Variants in AGBL1 observed in about 807,000 individuals in gnomAD.
The protein encoded by AGBL1 is AGBL carboxypeptidase 1, also known as cytosolic carboxypeptidase 4.
In AGBL1, 130 loss-of-function variants were observed where a neutral mutation model predicts 118.9. The observed-to-expected ratio is 1.09, with a 90% CI of 0.95 to 1.26. The LOEUF is 1.26. AGBL1 is among the 50% of genes most tolerant of loss of function. The pLI is 0.00. For synonymous variants in AGBL1, 555 were observed against 478.9 expected, an observed-to-expected ratio of 1.16 and a Z score of -2.08; for missense variants, 1,584 against 1,298.1, an observed-to-expected ratio of 1.22 and a Z score of -3.38.
At chr15:86,579,004 A>C (rs1447941454) in intron 21 of AGBL1, among the ~76,000 whole-genome samples, 1 of 152,162 alleles carries the variant, frequency 6.6e-6, no homozygotes, top group African/African-American at 2.4e-5. Flanking sequence ...TAATCCTTTC[A>C]TCTTGCTTGC....
chr15:86,552,085 C>G (rs1461735563), intron 20 of AGBL1, among the ~76,000 whole-genome samples: 1 of 151,950 alleles, frequency 6.6e-6, no homozygotes, highest in South Asian at 2.1e-4. Context: ...TTTTTCAAAC[C>G]CATAAGATGT....
chr15:86,125,439 C>G (rs543646236), intron 1 of AGBL1, among the ~76,000 whole-genome samples: 27 of 152,306 alleles, frequency 1.8e-4, no homozygotes, highest in African/African-American at 5.5e-4. Flanking sequence ...ATTTCTGTGT[C>G]CTTTTTGGCT....
At chr15:86,986,470 C>T (rs556325747) in intron 23 of AGBL1, among the ~76,000 whole-genome samples, 3 of 152,040 alleles carry the variant, frequency 2.0e-5, no homozygotes, top group African/African-American at 7.2e-5. Context: ...CTTTTTCAAA[C>T]TTGTAGTCAT....
chr15:86,981,062 T>C (rs769394932), intron 23 of AGBL1, among the ~76,000 whole-genome samples: 7 of 151,996 alleles, frequency 4.6e-5, no homozygotes, highest in Non-Finnish European at 1.0e-4. Flanking sequence ...AACTTTTGTA[T>C]TTTCAGTAGA....
chr15:86,844,221 G>A (rs1015643221), intron 22 of AGBL1, among the ~76,000 whole-genome samples: 22 of 152,154 alleles, frequency 1.4e-4, no homozygotes, highest in African/African-American at 5.3e-4. Context: ...GTGTGGACAT[G>A]TTTCAGTTTT....
chr15:86,170,984 C>T (rs950652598), intron 5 of AGBL1, among the ~76,000 whole-genome samples: 3 of 151,554 alleles, frequency 2.0e-5, no homozygotes, highest in Non-Finnish European at 4.4e-5. Context: ...TTGTTGGAAA[C>T]AATGCAAGTG....
At chr15:86,366,429 A>G (rs980765653) in intron 17 of AGBL1, among the ~76,000 whole-genome samples, 1 of 152,114 alleles carries the variant, frequency 6.6e-6, no homozygotes, top group Admixed American at 6.5e-5. Context: ...TTTAATCCTC[A>G]TTTTATGGTT....
intron 1 of AGBL1, among the ~76,000 whole-genome samples, chr15:86,137,938 C>T (rs1209163771): frequency 6.6e-6 from 1 of 151,932 alleles, no homozygotes; most frequent in Non-Finnish European, 1.5e-5. Context: ...TACCATATGC[C>T]CAGTTCTATA....
At chr15:86,776,577 G>C (rs889668787) in intron 22 of AGBL1, among the ~76,000 whole-genome samples, 56 of 150,922 alleles carry the variant, frequency 3.7e-4, no homozygotes, top group African/African-American at 1.3e-3. Flanking sequence ...TTTGTTCCAG[G>C]GATTGTAATA....
intron 22 of AGBL1, among the ~76,000 whole-genome samples, chr15:86,781,304 G>T (rs1473711951): frequency 6.6e-6 from 1 of 151,992 alleles, no homozygotes; most frequent in Non-Finnish European, 1.5e-5. Context: ...CTTCCGTAGG[G>T]TTAATCAATT....
chr15:86,193,205 G>A (rs78239293), intron 5 of AGBL1, among the ~76,000 whole-genome samples: 4,081 of 152,076 alleles, frequency 0.027, 75 homozygotes, highest in East Asian at 0.073. Flanking sequence ...CTGAGAGGAG[G>A]GTGAATTTGC....
At chr15:86,794,579 G>C (rs76488012) in intron 22 of AGBL1, among the ~76,000 whole-genome samples, 9,983 of 152,118 alleles carry the variant, frequency 0.066, 490 homozygotes, top group East Asian at 0.19. Flanking sequence ...ATTGTACACA[G>C]TACTTTACAA....
intron 22 of AGBL1, among the ~76,000 whole-genome samples, chr15:86,681,918 G>A (rs1216650863): frequency 6.6e-6 from 1 of 152,166 alleles, no homozygotes; most frequent in African/African-American, 2.4e-5. Flanking sequence ...TTTGGGATTG[G>A]AGACAATGGT....
intron 22 of AGBL1, among the ~76,000 whole-genome samples, chr15:86,692,004 G>C (rs765550772): frequency 4.6e-5 from 7 of 151,790 alleles, no homozygotes; most frequent in Admixed American, 6.6e-5. Flanking sequence ...AGCAATTTGA[G>C]GCTTGTCCCT....
chr15:86,919,089 A>G (rs747358438), downstream of AGBL1, among the ~76,000 whole-genome samples: 1 of 152,198 alleles, frequency 6.6e-6, no homozygotes, highest in Non-Finnish European at 1.5e-5. Flanking sequence ...AATGCACCAC[A>G]TCAATATCAG....
chr15:86,684,365 T>C (rs527490741), intron 22 of AGBL1, among the ~76,000 whole-genome samples: 7 of 152,148 alleles, frequency 4.6e-5, no homozygotes, highest in Non-Finnish European at 8.8e-5. Context: ...CCTGGCTACA[T>C]TCTACTGTAC....
chr15:86,132,083 C>G (rs1327804711), intron 1 of AGBL1, among the ~76,000 whole-genome samples: 1 of 152,134 alleles, frequency 6.6e-6, no homozygotes. Flanking sequence ...AGACCATTAC[C>G]CACTACTTTA....
chr15:86,747,055 C>G (rs2077767979), intron 22 of AGBL1, among the ~76,000 whole-genome samples: 1 of 151,960 alleles, frequency 6.6e-6, no homozygotes, highest in African/African-American at 2.4e-5. Context: ...GATGATACCA[C>G]CAATGTCTCA....
chr15:86,105,625 A>T (rs1897010856), intron 1 of AGBL1, among the ~76,000 whole-genome samples: 1 of 152,236 alleles, frequency 6.6e-6, no homozygotes, highest in Non-Finnish European at 1.5e-5. Context: ...AGCAGGAAAG[A>T]GAGGCCTTTA....
Sources: gnomAD v4.1 joint callset for allele counts (sites outside exome capture counted in the v4.1 genomes callset) on GRCh38, gnomAD v4.1.1 for gene constraint, MANE v1.5 for transcripts, NCBI Gene and HGNC (gene_info 2026-07-23, HGNC 2026-07-21) for gene names.